The following DLAT variants were observed in gnomAD, a reference collection of about 807,000 sequenced individuals.
DLAT encodes the protein dihydrolipoamide S-acetyltransferase, also known as dihydrolipoyllysine-residue acetyltransferase component of pyruvate dehydrogenase complex, mitochondrial.
Under a neutral mutation model 68.0 loss-of-function variants are expected in DLAT, and 43 were observed. The ratio of observed to expected loss-of-function variants is 0.63; its 90% CI spans 0.50 to 0.81. DLAT has a LOEUF of 0.81. Among genes scored for constraint, DLAT ranks in the 40% least tolerant of loss-of-function variants. DLAT has a pLI of 0.00. For missense variants in DLAT, 745 were observed against 815.4 expected (o/e 0.91, Z 1.05); for synonymous variants, 265 against 288.6 (o/e 0.92, Z 0.83).
Position 112,060,070 on chromosome 11 carries a change from G to T in DLAT, c.1677+5G>T, listed in dbSNP as rs781848004. ...CTACAGCCACATGAATTCCAGGTAG[G>T]GTATTAATTATTGCTTTCTAATTAT... On this transcript the variant is annotated splice_donor_5th_base_variant and intron_variant, in intron 12 of 13. Coordinates refer to ENST00000280346, the MANE Select transcript of DLAT (RefSeq NM_001931.5). The T allele has an allele frequency of 2.5e-6, 4 of 1,612,788 alleles. No individual in the cohort carries two copies. The highest frequency in any genetic ancestry group is 3.4e-6 in the Non-Finnish European group (4 of 1,179,208).
Position 112,036,189 on chromosome 11 carries a change from GTGTGTGTGTGTGTTTTTTTTTTT to G in DLAT, c.788-1082_788-1060del, listed in dbSNP as rs1566617688. On this transcript the variant is annotated intron_variant, in intron 5 of 13. Coordinates refer to ENST00000280346, the MANE Select transcript of DLAT (RefSeq NM_001931.5). Reference sequence around the variant, plus strand: ...TATATGTGTGTGTGTGTGTGTGTGTGTGTGTGTGTGTGTTTTTTTTTTTTTTTTTTTTTTTTTTTTTGAGACGG... The same window carrying G: ...TATATGTGTGTGTGTGTGTGTGTGTGTTTTTTTTTTTTTTTTTTGAGACGG... Among the ~76,000 whole-genome samples the G allele has an allele frequency of 4.1e-5, 3 of 73,358 alleles. No homozygotes were observed. The East Asian group carries it at 1.1e-3, about 26-fold the overall frequency. 48.1% of individuals were successfully genotyped at this position (73,358 alleles called of 152,430 possible). A position where few individuals can be genotyped will look rare whatever the true frequency, so the allele number is the denominator to read the frequency against.
chr11:112,027,777 G>A (rs1260488703), intron 2 of DLAT, among the ~76,000 whole-genome samples: 4 of 152,182 alleles, frequency 2.6e-5, no homozygotes, highest in African/African-American at 7.2e-5. Flanking sequence ...GCGCGTGCCT[G>A]CAATCGCAGG....
intron 6 of DLAT, among the ~76,000 whole-genome samples, chr11:112,038,202 TTTGTTG>T (rs150380689): frequency 6.6e-6 from 1 of 151,888 alleles, no homozygotes; most frequent in African/African-American, 2.4e-5. Context: ...TTGGATTTCT[TTTGTTG>T]TTGTTGTTGA....
rs72991473 is a variant in DLAT, at chr11:112,046,275, T to C, written c.1398+305T>C. 0.034 allele frequency among the ~76,000 whole-genome samples: 5,139 copies of C among 152,306 alleles called. 126 individuals are homozygous for C. The highest frequency in any genetic ancestry group is 0.05 in the Non-Finnish European group (3,412 of 68,014). ...TTCTTATATTCAGGTCTTTGCTCTA[T>C]TTTGAGTTAATTTTTTATAGGTGGT... On this transcript the variant is annotated intron_variant, in intron 10 of 13. Transcript: ENST00000280346.
chr11:112,027,116 G>C (rs1193255960), intron 2 of DLAT, among the ~76,000 whole-genome samples: 2 of 149,980 alleles, frequency 1.3e-5, no homozygotes, highest in Non-Finnish European at 1.5e-5. Flanking sequence ...GGTGGCTGCC[G>C]GGCGGAGGGG....
At chr11:112,041,453 A>G (rs1555181005) in intron 7 of DLAT, among the ~76,000 whole-genome samples, 1 of 152,146 alleles carries the variant, frequency 6.6e-6, no homozygotes, top group Non-Finnish European at 1.5e-5. Context: ...GTGACATTTG[A>G]TTTGTTTTGA....
At chr11:112,060,262 G>C (rs1864492800) in intron 12 of DLAT, among the ~76,000 whole-genome samples, 197 bp downstream of exon 12, 1 of 146,146 alleles carries the variant, frequency 6.8e-6, no homozygotes, top group Non-Finnish European at 1.5e-5. Context: ...CCTGGGTTAC[G>C]CCATTCTCCT....
rs139279002 is a variant in DLAT at position 112,033,789 on chromosome 11, C to T, written c.787+259C>T. Among the ~76,000 whole-genome samples, 469 of 152,258 alleles carry T rather than the reference C, an allele frequency of 3.1e-3. 4 individuals are homozygous for T. Among genetic ancestry groups the T allele is most frequent in the African/African-American group, 0.01 (422 of 41,536 alleles). On this transcript the variant is annotated intron_variant, in intron 5 of 13. Transcript: ENST00000280346. ...CTGGAGTGCGGTGGCAAGATCATAG[C>T]TCATTGTAGCCTTGAACTCCTGGGC...
intron 11 of DLAT, among the ~76,000 whole-genome samples, chr11:112,054,008 G>A (rs1555182246): frequency 6.6e-6 from 1 of 151,816 alleles, no homozygotes; most frequent in African/African-American, 2.4e-5. Flanking sequence ...GCACAAATTT[G>A]GATTAAATCT....
chr11:112,059,838 C>T, intron 11 of DLAT, 65 bp from the exon 12 acceptor site: 2 of 1,383,270 alleles, frequency 1.4e-6, no homozygotes, highest in South Asian at 1.4e-5. Context: ...AATATTCTTG[C>T]TTAACCTGGC....
intron 6 of DLAT, 117 bp downstream of exon 6, chr11:112,037,577 G>C: frequency 2.0e-6 from 2 of 985,570 alleles, no homozygotes; most frequent in Non-Finnish European, 3.2e-6. Context: ...ACTGAGGAGG[G>C]AGATAGTTTA....
In DLAT at chr11:112,037,383, A is replaced by G. The variant is rs1198304536; in HGVS notation, c.898A>G (p.Ile300Val). 4 of 1,614,110 alleles carry G rather than the reference A, an allele frequency of 2.5e-6. No individual in the cohort carries two copies. The African/African-American group carries it at 4.0e-5, about 16-fold the overall frequency. ...LCIIVEKEAD[I>V]SAFADYRPTE... ...TATCATTGTAGAAAAAGAGGCAGAT[A>G]TATCAGCATTTGCTGACTATAGGCC... The change falls in exon 6 of 14, where the codon ATA (isoleucine) becomes GTA (valine). Residue 300 changes from isoleucine (I) to valine (V), a missense_variant. By Grantham distance (29) the Ile-to-Val change is conservative. Coordinates refer to ENST00000280346, the MANE Select transcript of DLAT (RefSeq NM_001931.5).
intron 2 of DLAT, among the ~76,000 whole-genome samples, chr11:112,027,827 T>C (rs1201026691): frequency 6.6e-6 from 1 of 152,066 alleles, no homozygotes; most frequent in Non-Finnish European, 1.5e-5. Flanking sequence ...GCAGGGAGGT[T>C]GCAGTGAGCC....
In DLAT at chr11:112,051,935, T is replaced by G. The variant is rs782718334; in HGVS notation, c.1514+586T>G. Among the ~76,000 whole-genome samples the G allele has an allele frequency of 6.6e-6, 1 of 152,302 alleles. No homozygotes were observed. Among genetic ancestry groups the G allele is most frequent in the African/African-American group, 2.4e-5 (1 of 41,562 alleles). The stretch of plus-strand genomic sequence containing the variant: ...TAGTATGGTACTCAGTGTGTCTCTT[T>G]TATCTCATTCAATTCTCATGACTAT... On this transcript the variant is annotated intron_variant, in intron 11 of 13. Coordinates refer to ENST00000280346, the MANE Select transcript of DLAT (RefSeq NM_001931.5). The surrounding 1 kb of genome is among the most constrained non-coding windows in gnomAD (Gnocchi z 4.3).
At position 112,063,953 on chromosome 11, in the gene DLAT, C is replaced by A; in HGVS notation, c.*1418C>A. ...CCCCTGAAATTTGCTTTAAGTGTTT[C>A]AGTGTTGAATCTGTTTCTAAATATT... On this transcript the variant is annotated 3_prime_UTR_variant, in exon 14 of 14. Transcript: ENST00000280346. 2.4e-6 allele frequency: 1 copy of A among 425,168 alleles called. No homozygotes were observed. The highest frequency in any genetic ancestry group is 4.1e-6 in the Non-Finnish European group (1 of 243,370). 26.3% of individuals were successfully genotyped at this position (425,168 alleles called of 1,614,324 possible).
intron 12 of DLAT, 64 bp downstream of exon 12, chr11:112,060,129 C>T (rs1864470974): frequency 2.8e-6 from 3 of 1,066,552 alleles, no homozygotes; most frequent in East Asian, 2.7e-5. Context: ...GCATTTATTG[C>T]ATTTTTCACC....
Position 112,026,250 on chromosome 11 carries a change from G to A in DLAT, c.332G>A (p.Trp111Ter). Reference protein sequence around the residue: ...PTMQAGTIARWEKKEGDKINE... With the variant: ...PTMQAGTIAR ...ATGCAGGCAGGCACCATAGCCCGTT[G>A]GGAAAAAAAAGAGGGGGACAAAATC... Residue 111 changes from tryptophan to a stop codon, truncating the protein, a stop_gained, in exon 2 of 14, where the codon TGG becomes TAG. Transcript: ENST00000280346. LOFTEE classifies it high-confidence loss of function. 6.2e-7 allele frequency: 1 copy of A among 1,604,848 alleles called. No homozygotes were observed. The highest frequency in any genetic ancestry group is 1.4e-5 in the African/African-American group (1 of 73,852).
intron 4 of DLAT, chr11:112,029,984 G>C: frequency 9.9e-7 from 1 of 1,014,994 alleles, no homozygotes; most frequent in Non-Finnish European, 1.5e-6. Context: ...CACACTTAGA[G>C]CAGGTGATAA....
intron 12 of DLAT, 28 bp downstream of exon 12, chr11:112,060,093 T>TATGTTATTTTTA: frequency 6.2e-7 from 1 of 1,602,900 alleles, no homozygotes; most frequent in Non-Finnish European, 8.5e-7. Context: ...GCTTTCTAAT[T>TATGTTATTTTTA]ATGTTATTTT....
Sources: allele counts gnomAD v4.1 joint callset (sites outside exome capture counted in the v4.1 genomes callset), GRCh38; gene constraint gnomAD v4.1.1; non-coding constraint Gnocchi (gnomAD v3.1); transcripts MANE v1.5; gene names NCBI Gene and HGNC (gene_info 2026-07-23, HGNC 2026-07-21).